FNIP1: variants seen among roughly 807,000 people sequenced by gnomAD.
FNIP1 encodes the protein folliculin-interacting protein 1.
Under a neutral mutation model 124.5 loss-of-function variants are expected in FNIP1, and 40 were observed. The observed-to-expected ratio is 0.32, with a 90% CI of 0.25 to 0.42. The LOEUF (loss-of-function observed/expected upper bound fraction) is 0.42. Among genes scored for constraint, FNIP1 ranks in the 10% least tolerant of loss-of-function variants. FNIP1 has a pLI of 1.00. For missense variants in FNIP1, 1,176 were observed against 1,403.7 expected, an observed-to-expected ratio of 0.84 and a Z score of 2.59; for synonymous variants, 472 against 470.6, an observed-to-expected ratio of 1.00 and a Z score of -0.04.
Position 131,796,917 on chromosome 5 carries a change from G to T in FNIP1, c.5C>A (p.Ala2Asp). Reference sequence around the variant, plus strand: ...GAAGAGCTTCTGGAACAGCGTAGGGGCCATGCTAGCCACGGCCAGGCAGGG... The same window carrying T: ...GAAGAGCTTCTGGAACAGCGTAGGGTCCATGCTAGCCACGGCCAGGCAGGG... M[A>D]PTLFQKLFSK... Residue 2 changes from alanine to aspartate, a missense_variant, in exon 1 of 18, where the codon GCC (alanine) becomes GAC (aspartate). By Grantham distance (126) the Ala-to-Asp change is moderately radical (BLOSUM62 -2). This residue lies in a region of FNIP1 where 1,109 missense variants were observed against 1,288.5 expected (regional missense o/e 0.86). Transcript: ENST00000510461. The T allele has an allele frequency of 6.2e-7, 1 of 1,603,970 alleles. No homozygotes were observed. The highest frequency in any genetic ancestry group is 2.2e-5 in the East Asian group (1 of 44,524).
At chr5:131,776,445 A>G (rs537401433) in intron 1 of FNIP1, among the ~76,000 whole-genome samples, 70 of 152,374 alleles carry the variant, frequency 4.6e-4, no homozygotes, top group African/African-American at 1.6e-3. Flanking sequence ...TATTCATAGC[A>G]GCACTATTCT....
chr5:131,744,799 T>C, intron 1 of FNIP1, 109 bp from the exon 2 acceptor site: 2 of 777,978 alleles, frequency 2.6e-6, no homozygotes, highest in South Asian at 4.1e-5. Context: ...AATTATCTTA[T>C]TGTTAAATAA....
intron 1 of FNIP1, among the ~76,000 whole-genome samples, chr5:131,759,453 T>G (rs978190913): frequency 6.6e-6 from 1 of 151,926 alleles, no homozygotes; most frequent in Non-Finnish European, 1.5e-5. Context: ...GCACTGACAC[T>G]TCTCAAAAGA....
intron 1 of FNIP1, among the ~76,000 whole-genome samples, chr5:131,769,308 C>T (rs1580824132): frequency 6.6e-6 from 1 of 152,190 alleles, no homozygotes; most frequent in Admixed American, 6.5e-5. Flanking sequence ...ATTTAACTTT[C>T]AATAAAATAA....
chr5:131,670,568 C>A lies in FNIP1; in HGVS notation c.3003G>T (p.Leu1001=). 6.2e-7 allele frequency: 1 copy of A among 1,613,794 alleles called. No individual in the cohort carries two copies. Among genetic ancestry groups the A allele is most frequent in the South Asian group, 1.1e-5 (1 of 91,026 alleles). The change falls in exon 15 of 18, where the codon CTG becomes CTT. Residue 1001 remains leucine (L), a synonymous_variant. Coordinates refer to ENST00000510461, the MANE Select transcript of FNIP1 (RefSeq NM_133372.3). ...PNIANFGRSL[L]GGYCSSYVPD... Reference sequence around the variant, plus strand: ...GCACATAAGATGAGCAGTAGCCACCCAGCAAGGACCTCCCGAAGTTGGCAA... The same window carrying A: ...GCACATAAGATGAGCAGTAGCCACCAAGCAAGGACCTCCCGAAGTTGGCAA...
intron 1 of FNIP1, among the ~76,000 whole-genome samples, chr5:131,778,401 A>C (rs920794801): frequency 1.3e-5 from 2 of 151,962 alleles, no homozygotes. Context: ...AAAAATGCTC[A>C]TCATCACTGG....
intron 1 of FNIP1, among the ~76,000 whole-genome samples, chr5:131,778,760 T>C (rs1185812893): frequency 8.2e-6 from 1 of 122,598 alleles, no homozygotes; most frequent in Non-Finnish European, 1.7e-5. Flanking sequence ...TGTCCAACAA[T>C]GATAGACTGG....
Position 131,672,916 on chromosome 5 carries a change from A to G in FNIP1, c.1528T>C (p.Tyr510His). ...CGTACGGGAGAGCCAATAGCGCCAT[A>G]CAAGTCTCCTGTAATGGAAAAAATC... is the stretch of plus-strand genomic sequence containing the variant. ...NPLWAQLGDLYGAIGSPVRLA... is the reference protein window; with the variant it reads ...NPLWAQLGDLHGAIGSPVRLA... Residue 510 changes from tyrosine (Y) to histidine (H), a missense_variant, in exon 14 of 18, where the codon TAT (tyrosine) becomes CAT (histidine). Physicochemically the swap from Tyr to His is moderately conservative, Grantham distance 83. Coordinates refer to ENST00000510461, the MANE Select transcript of FNIP1 (RefSeq NM_133372.3). 3.9e-6 allele frequency: 6 copies of G among 1,539,640 alleles called. No homozygotes were observed. Among genetic ancestry groups the G allele is most frequent in the Non-Finnish European group, 4.4e-6 (5 of 1,146,472 alleles).
At chr5:131,715,820 TCTA>T (rs1769450560) in intron 6 of FNIP1, among the ~76,000 whole-genome samples, 1 of 151,874 alleles carries the variant, frequency 6.6e-6, no homozygotes, top group Non-Finnish European at 1.5e-5. Flanking sequence ...AAAAAACTTT[TCTA>T]CTAATATATA....
intron 3 of FNIP1, among the ~76,000 whole-genome samples, chr5:131,719,995 A>G (rs1355426275): frequency 6.6e-6 from 1 of 152,244 alleles, no homozygotes; most frequent in Non-Finnish European, 1.5e-5. Flanking sequence ...TAAAATTCAC[A>G]TGAAACCACA....
At chr5:131,726,750 A>G (rs1167925014) in intron 3 of FNIP1, among the ~76,000 whole-genome samples, 1 of 151,978 alleles carries the variant, frequency 6.6e-6, no homozygotes, top group Non-Finnish European at 1.5e-5. Context: ...TTTAATTATG[A>G]TGTTAGGGTG....
intron 17 of FNIP1, among the ~76,000 whole-genome samples, chr5:131,645,775 A>G (rs1378089471): frequency 6.6e-6 from 1 of 152,220 alleles, no homozygotes; most frequent in Non-Finnish European, 1.5e-5. Context: ...AAATTCCAAC[A>G]TATAAGGGAA....
chr5:131,693,152 G>A (rs984572271), intron 11 of FNIP1, among the ~76,000 whole-genome samples: 6 of 148,600 alleles, frequency 4.0e-5, no homozygotes, highest in African/African-American at 7.4e-5. Flanking sequence ...TGATAATTAC[G>A]TGAGGTAATA....
intron 10 of FNIP1, among the ~76,000 whole-genome samples, chr5:131,701,105 G>A (rs1000551017): frequency 1.3e-5 from 2 of 152,166 alleles, no homozygotes; most frequent in African/African-American, 4.8e-5. Context: ...TGTCACATCA[G>A]TGGCAGCATT....
chr5:131,663,300 T>C (rs951319048), intron 15 of FNIP1, among the ~76,000 whole-genome samples: 2 of 152,240 alleles, frequency 1.3e-5, no homozygotes, highest in Admixed American at 6.5e-5. Context: ...TATACAGATA[T>C]TGTTTGAAAG....
At chr5:131,695,546 A>G (rs1226837849) in intron 11 of FNIP1, among the ~76,000 whole-genome samples, 1 of 152,252 alleles carries the variant, frequency 6.6e-6, no homozygotes, top group Non-Finnish European at 1.5e-5. Context: ...AAGATGCACG[A>G]AAATCAGACT....
In FNIP1 at chr5:131,704,207, A is replaced by G; in HGVS notation, c.974T>C (p.Val325Ala). The change falls in exon 10 of 18, where the codon GTG becomes GCG. Residue 325 changes from valine (V) to alanine (A), a missense_variant. Val to Ala is a moderately conservative substitution (Grantham distance 64, BLOSUM62 0). Coordinates refer to ENST00000510461, the MANE Select transcript of FNIP1 (RefSeq NM_133372.3). ...DESCGPNPGI[V>A]RKKKIAIGVI... ...CCCAATTGCAATCTTCTTTTTCCGC[A>G]CAATTCCTGGGTTAGGGCCACAGCT... 6.2e-7 allele frequency: 1 copy of G among 1,613,792 alleles called. No homozygotes were observed.
At chr5:131,655,282 G>A (rs924787078) in intron 15 of FNIP1, among the ~76,000 whole-genome samples, 17 of 152,202 alleles carry the variant, frequency 1.1e-4, no homozygotes, top group South Asian at 2.1e-4. Context: ...AGAGGCGAGA[G>A]GATCAATTGA....
At chr5:131,776,754 C>T (rs1771820280) in intron 1 of FNIP1, among the ~76,000 whole-genome samples, 1 of 152,146 alleles carries the variant, frequency 6.6e-6, no homozygotes, top group Admixed American at 6.5e-5. Flanking sequence ...GTGGTTACCC[C>T]AGGCAAAGAT....
Sources: allele counts gnomAD v4.1 joint callset (sites outside exome capture counted in the v4.1 genomes callset), GRCh38; gene constraint gnomAD v4.1.1; regional missense constraint gnomAD v4.1.1; transcripts MANE v1.5; gene names NCBI Gene and HGNC (gene_info 2026-07-23, HGNC 2026-07-21).